The following ITGA9 variants were observed in gnomAD, a reference collection of about 807,000 sequenced individuals.
ITGA9 encodes integrin subunit alpha 9, also known as integrin alpha-9.
Under a neutral mutation model 127.8 loss-of-function variants are expected in ITGA9, and 56 were observed. The observed-to-expected ratio is 0.44, with a 90% CI of 0.35 to 0.55. ITGA9 has a LOEUF of 0.55. Among genes scored for constraint, ITGA9 ranks in the 20% least tolerant of loss-of-function variants. The pLI, the probability that ITGA9 is intolerant of heterozygous loss-of-function variation, is 0.00. For missense variants in ITGA9, 1,196 were observed against 1,347.1 expected (o/e 0.89, Z 1.76); for synonymous variants, 508 against 514.5 (o/e 0.99, Z 0.17).
chr3:37,754,999 G>A (rs1696632395), intron 23 of ITGA9, among the ~76,000 whole-genome samples: 1 of 152,140 alleles, frequency 6.6e-6, no homozygotes, highest in South Asian at 2.1e-4. Flanking sequence ...TTAAGTTGGG[G>A]CCATCAAATC....
At chr3:37,788,263 C>G (rs1394763533) in intron 26 of ITGA9, among the ~76,000 whole-genome samples, 1 of 152,108 alleles carries the variant, frequency 6.6e-6, no homozygotes, top group African/African-American at 2.4e-5. Flanking sequence ...ACCCACAATT[C>G]ACACTTTTTT....
intron 14 of ITGA9, among the ~76,000 whole-genome samples, chr3:37,536,983 A>G (rs77392391): frequency 0.038 from 5,826 of 152,278 alleles, 126 homozygotes; most frequent in Non-Finnish European, 0.051. Context: ...TAGATATGCA[A>G]ATTCTGACTA....
At chr3:37,461,337 A>G (rs1468591319) in intron 1 of ITGA9, among the ~76,000 whole-genome samples, 2 of 152,130 alleles carry the variant, frequency 1.3e-5, no homozygotes, top group Non-Finnish European at 2.9e-5. Context: ...GAGCTGTGTG[A>G]TCTTGACCAA....
chr3:37,549,757 C>T (rs974038078), intron 15 of ITGA9, among the ~76,000 whole-genome samples: 1 of 152,148 alleles, frequency 6.6e-6, no homozygotes, highest in African/African-American at 2.4e-5. Context: ...GAAATTTCTT[C>T]CATGGTTTGT....
chr3:37,757,199 A>C lies in ITGA9; in HGVS notation c.2541+6630A>C, dbSNP rs1310983134. On this transcript the variant is annotated intron_variant, in intron 23 of 27. Transcript: ENST00000264741. Reference sequence around the variant, plus strand: ...ATCCTGAAATAGAAAAAATAATAACAACAAAAGTATTCCACATTAGCAAAA... The same window carrying C: ...ATCCTGAAATAGAAAAAATAATAACCACAAAAGTATTCCACATTAGCAAAA... Among the ~76,000 whole-genome samples, 2 of 151,914 alleles carry C rather than the reference A, an allele frequency of 1.3e-5. 1 individual carries two copies. Among genetic ancestry groups the C allele is most frequent in the African/African-American group, 4.9e-5 (2 of 41,168 alleles).
chr3:37,477,307 G>T (rs1698503979), intron 3 of ITGA9, among the ~76,000 whole-genome samples: 1 of 152,210 alleles, frequency 6.6e-6, no homozygotes, highest in African/African-American at 2.4e-5. Flanking sequence ...AGGTGGGCTA[G>T]CTCTTTTGAA....
At position 37,653,731 on chromosome 3, in the gene ITGA9, T is replaced by A; in HGVS notation, c.1857T>A (p.Asn619Lys). 1 of 1,613,702 alleles carries A rather than the reference T, an allele frequency of 6.2e-7. No individual in the cohort carries two copies. The highest frequency in any genetic ancestry group is 8.5e-7 in the Non-Finnish European group (1 of 1,179,636). The change falls in exon 17 of 28, where the codon AAT becomes AAA. Residue 619 changes from asparagine to lysine, a missense_variant. Transcript: ENST00000264741. Reference sequence around the variant, plus strand: ...TCTCACAGACTGTTTTTGAAAGGAATTGCCGTTCAGAGGACTGTGCCGCAG... The same window carrying A: ...TCTCACAGACTGTTTTTGAAAGGAAATGCCGTTCAGAGGACTGTGCCGCAG... ...AQKNQTVFERNCRSEDCAADL... is the reference protein window; with the variant it reads ...AQKNQTVFERKCRSEDCAADL...
chr3:37,543,699 T>TG (rs1422000102), intron 15 of ITGA9, among the ~76,000 whole-genome samples: 2 of 151,822 alleles, frequency 1.3e-5, no homozygotes, highest in Non-Finnish European at 2.9e-5. Context: ...AGTGTCCTCC[T>TG]GTTAGTGCCA....
intron 15 of ITGA9, among the ~76,000 whole-genome samples, chr3:37,547,176 A>C (rs1699334214): frequency 6.6e-6 from 1 of 150,962 alleles, no homozygotes; most frequent in Non-Finnish European, 1.5e-5. Context: ...CAATAACGGT[A>C]TTATTGTTAA....
At chr3:37,618,659 T>A (rs541162608) in intron 15 of ITGA9, among the ~76,000 whole-genome samples, 1 of 152,176 alleles carries the variant, frequency 6.6e-6, no homozygotes, top group South Asian at 2.1e-4. Flanking sequence ...GCCTTGGCGA[T>A]GGTGGGCGCC....
intron 3 of ITGA9, among the ~76,000 whole-genome samples, chr3:37,474,084 A>G (rs1197982953): frequency 6.6e-6 from 1 of 152,236 alleles, no homozygotes; most frequent in African/African-American, 2.4e-5. Context: ...ATAATATTAC[A>G]TTTTATGAAA....
At chr3:37,632,135 G>A (rs1369873758) in intron 16 of ITGA9, among the ~76,000 whole-genome samples, 1 of 152,054 alleles carries the variant, frequency 6.6e-6, no homozygotes, top group Non-Finnish European at 1.5e-5. Flanking sequence ...TAAACCAGGA[G>A]AATAACTAAC....
At chr3:37,476,020 C>T (rs6766169) in intron 3 of ITGA9, among the ~76,000 whole-genome samples, 37,839 of 152,046 alleles carry the variant, frequency 0.25, 4,844 homozygotes, top group East Asian at 0.44. Flanking sequence ...AGCATGTGAC[C>T]GGATCTCCTT....
At chr3:37,668,456 G>A (rs1418661081) in intron 17 of ITGA9, among the ~76,000 whole-genome samples, 1 of 152,206 alleles carries the variant, frequency 6.6e-6, no homozygotes, top group Non-Finnish European at 1.5e-5. Context: ...CTGGACGCAA[G>A]GAAAGGATCT....
chr3:37,736,414 A>G (rs1330469032), intron 19 of ITGA9, among the ~76,000 whole-genome samples: 1 of 152,234 alleles, frequency 6.6e-6, no homozygotes, highest in Non-Finnish European at 1.5e-5. Context: ...AAGGCAACAG[A>G]GTTCAGCATT....
chr3:37,537,576 A>G (rs777760684), intron 14 of ITGA9, among the ~76,000 whole-genome samples: 8 of 152,206 alleles, frequency 5.3e-5, no homozygotes, highest in African/African-American at 1.7e-4. Context: ...TTAAGGTCCT[A>G]CAGAGTGCCA....
chr3:37,635,966 A>AT (rs1208698052), intron 16 of ITGA9, among the ~76,000 whole-genome samples: 2 of 151,756 alleles, frequency 1.3e-5, no homozygotes, highest in Admixed American at 6.6e-5. Flanking sequence ...CGAAGTCATC[A>AT]TTTTTTATGG....
At chr3:37,707,238 T>G (rs1701016969) in intron 18 of ITGA9, among the ~76,000 whole-genome samples, 1 of 152,200 alleles carries the variant, frequency 6.6e-6, no homozygotes, top group Admixed American at 6.5e-5. Context: ...ACATAAAAAA[T>G]GTACTTCAGT....
intron 20 of ITGA9, among the ~76,000 whole-genome samples, chr3:37,740,669 T>TC (rs1197218627): frequency 3.9e-5 from 6 of 152,126 alleles, no homozygotes; most frequent in African/African-American, 1.4e-4. Flanking sequence ...GTGCTCCATC[T>TC]CCCTCTGGGG....
Sources: allele counts gnomAD v4.1 joint callset (sites outside exome capture counted in the v4.1 genomes callset), GRCh38; gene constraint gnomAD v4.1.1; transcripts MANE v1.5; gene names NCBI Gene and HGNC (gene_info 2026-07-23, HGNC 2026-07-21).